The following NPY2R variants were observed in gnomAD, a reference collection of about 807,000 sequenced individuals.
NPY2R encodes the protein neuropeptide Y receptor Y2, also known as neuropeptide Y receptor type 2.
A neutral mutation model predicts 22.3 loss-of-function variants in NPY2R; 17 were observed. The ratio of observed to expected loss-of-function variants is 0.76; its 90% CI spans 0.52 to 1.14. NPY2R has a LOEUF of 1.14. Among genes scored for constraint, NPY2R ranks in the 50% most tolerant of loss-of-function variants. The pLI is 0.00. For synonymous variants in NPY2R, 209 were observed against 183.4 expected (o/e 1.14, Z -1.13); for missense variants, 424 against 467.9 (o/e 0.91, Z 0.87).
Position 155,214,392 on chromosome 4 carries a change from C to T in NPY2R, c.453C>T (p.Cys151=), listed in dbSNP as rs367841999. 8 of 1,614,128 alleles carry T rather than the reference C, an allele frequency of 5.0e-6. No homozygotes were observed. The highest frequency in any genetic ancestry group is 5.9e-6 in the Non-Finnish European group (7 of 1,180,024). Residue 151 remains cysteine, a synonymous_variant, in exon 2 of 2, where the codon TGC becomes TGT. Coordinates refer to ENST00000329476, the MANE Select transcript of NPY2R (RefSeq NM_000910.4). ...TAATTGCCCTGGACCGGCACAGGTG[C>T]ATCGTCTACCACCTAGAGAGCAAGA... The part of the protein sequence containing the change: ...LTVIALDRHR[C]IVYHLESKIS...
the NPY2R span, among the ~76,000 whole-genome samples, chr4:155,194,073 G>C: frequency 1.3e-5 from 2 of 151,234 alleles, no homozygotes; most frequent in African/African-American, 4.8e-5. Context: ...GTGAGTCTCT[G>C]ACTTTTTAAA....
chr4:155,191,108 G>A, the NPY2R span, among the ~76,000 whole-genome samples: 5 of 151,928 alleles, frequency 3.3e-5, no homozygotes, highest in East Asian at 3.9e-4. Flanking sequence ...GCACATTTGC[G>A]TTTTTGAAAC....
In NPY2R at chr4:155,214,758, G is replaced by T. The variant is rs757568216; in HGVS notation, c.819G>T (p.Val273=). 6.2e-7 allele frequency: 1 copy of T among 1,614,084 alleles called. No homozygotes were observed. The highest frequency in any genetic ancestry group is 8.5e-7 in the Non-Finnish European group (1 of 1,179,928). The change falls in exon 2 of 2, where the codon GTG becomes GTT. Residue 273 remains valine, a synonymous_variant. Coordinates refer to ENST00000329476, the MANE Select transcript of NPY2R (RefSeq NM_000910.4). ...RQKTTKMLVC[V]VVVFAVSWLP... ...AAACCACCAAAATGCTGGTGTGTGTGGTGGTGGTGTTTGCGGTCAGCTGGC... is the reference window on the plus strand; with the variant it reads ...AAACCACCAAAATGCTGGTGTGTGTTGTGGTGGTGTTTGCGGTCAGCTGGC...
the NPY2R span, among the ~76,000 whole-genome samples, chr4:155,195,830 A>G: frequency 6.6e-6 from 1 of 151,992 alleles, no homozygotes; most frequent in Non-Finnish European, 1.5e-5. Context: ...TAAAACTGCC[A>G]TGAAATACAA....
At chr4:155,191,358 C>T in the NPY2R span, among the ~76,000 whole-genome samples, 2 of 151,864 alleles carry the variant, frequency 1.3e-5, no homozygotes, top group African/African-American at 2.4e-5. Flanking sequence ...CATTCCCTAG[C>T]CAAGCAAGCT....
the NPY2R span, among the ~76,000 whole-genome samples, chr4:155,179,018 T>C: frequency 6.6e-6 from 1 of 152,212 alleles, no homozygotes; most frequent in Non-Finnish European, 1.5e-5. Flanking sequence ...ATACTTCTTA[T>C]TTCCTGCAAA....
rs186671628 is a variant in NPY2R at position 155,210,831 on chromosome 4, C to A, written c.-49+1762C>A. On this transcript the variant is annotated intron_variant, in intron 1 of 1. Transcript: ENST00000329476. ...AGAGACAGAGAGTGAGGGAAAGATG[C>A]GGAAAGAGAAAAAAAAGTGAGATAA... Among the ~76,000 whole-genome samples, 8 of 151,380 alleles carry A rather than the reference C, an allele frequency of 5.3e-5. No individual in the cohort carries two copies. The East Asian group carries it at 5.8e-4, about 11-fold the overall frequency.
chr4:155,178,482 A>AT, the NPY2R span, among the ~76,000 whole-genome samples: 1 of 152,122 alleles, frequency 6.6e-6, no homozygotes, highest in South Asian at 2.1e-4. Flanking sequence ...TATAAAGTAA[A>AT]TTTTTATATA....
rs1729455888 is a variant in NPY2R at position 155,213,953 on chromosome 4, G to A, written c.14G>A (p.Gly5Asp). The A allele has an allele frequency of 1.2e-6, 2 of 1,613,890 alleles. No individual in the cohort carries two copies. Among genetic ancestry groups the A allele is most frequent in the African/African-American group, 1.3e-5 (1 of 74,872 alleles). The stretch of plus-strand genomic sequence containing the variant: ...CCTGTACTGAAAATGGGTCCAATAG[G>A]TGCAGAGGCTGATGAGAACCAGACA... MGPI[G>D]AEADENQTVE... Residue 5 changes from glycine (G) to aspartate (D), a missense_variant, in exon 2 of 2, where the codon GGT (glycine) becomes GAT (aspartate). Transcript: ENST00000329476.
chr4:155,179,579 T>C, the NPY2R span, among the ~76,000 whole-genome samples: 1 of 152,208 alleles, frequency 6.6e-6, no homozygotes, highest in East Asian at 1.9e-4. Context: ...CTCTGGTTAG[T>C]GGCAACTCAT....
At chr4:155,186,720 T>C in the NPY2R span, among the ~76,000 whole-genome samples, 1 of 152,152 alleles carries the variant, frequency 6.6e-6, no homozygotes, top group African/African-American at 2.4e-5. Context: ...AAATTTTGTG[T>C]CCTTTGACCA....
At chr4:155,191,947 A>G in the NPY2R span, among the ~76,000 whole-genome samples, 2 of 151,900 alleles carry the variant, frequency 1.3e-5, no homozygotes, top group Non-Finnish European at 2.9e-5. Flanking sequence ...TGGATTCTAA[A>G]AATCATTTAT....
At chr4:155,194,889 C>G in the NPY2R span, among the ~76,000 whole-genome samples, 1 of 151,968 alleles carries the variant, frequency 6.6e-6, no homozygotes. Context: ...GCAACCTCTC[C>G]AGCACCTGCT....
the NPY2R span, among the ~76,000 whole-genome samples, chr4:155,181,219 G>GC: frequency 2.0e-5 from 3 of 152,140 alleles, no homozygotes; most frequent in Non-Finnish European, 4.4e-5. Flanking sequence ...GTGAGGAACT[G>GC]CCCTGATACT....
intron 1 of NPY2R, among the ~76,000 whole-genome samples, chr4:155,209,390 T>G (rs973757711): frequency 2.6e-5 from 4 of 152,236 alleles, no homozygotes; most frequent in Non-Finnish European, 5.9e-5. Context: ...CAGAAGGTCC[T>G]ATTGGATTCT....
At chr4:155,203,953 G>T (rs1448822537), upstream of NPY2R, among the ~76,000 whole-genome samples, 1 of 152,050 alleles carries the variant, frequency 6.6e-6, no homozygotes, top group Non-Finnish European at 1.5e-5. Context: ...TTACATTACT[G>T]GAGTTAAGAT....
chr4:155,194,862 A>G, the NPY2R span, among the ~76,000 whole-genome samples: 1 of 151,964 alleles, frequency 6.6e-6, no homozygotes, highest in Admixed American at 6.6e-5. Flanking sequence ...ACAGTATATA[A>G]GCATTCCCTT....
chr4:155,216,003 C>T lies in NPY2R; in HGVS notation c.*918C>T, dbSNP rs1025544550. The T allele has an allele frequency of 2.2e-4, 36 of 167,118 alleles. No individual in the cohort carries two copies. The highest frequency in any genetic ancestry group is 8.7e-4 in the African/African-American group (36 of 41,562). 10.4% of individuals were successfully genotyped at this position (167,118 alleles called of 1,614,324 possible). On this transcript the variant is annotated 3_prime_UTR_variant, in exon 2 of 2. Coordinates refer to ENST00000329476, the MANE Select transcript of NPY2R (RefSeq NM_000910.4). ...GAATAATTTTTGTGGCATGTTGTAA[C>T]ATTTCACAGTATTTACAAGCTATTT...
At chr4:155,176,472 G>A in the NPY2R span, among the ~76,000 whole-genome samples, 3 of 152,140 alleles carry the variant, frequency 2.0e-5, no homozygotes, top group Admixed American at 6.5e-5. Flanking sequence ...TGTTTGCTCA[G>A]GATAGTATGG....
Sources: gnomAD v4.1 joint callset for allele counts (sites outside exome capture counted in the v4.1 genomes callset) on GRCh38, gnomAD v4.1.1 for gene constraint, MANE v1.5 for transcripts, NCBI Gene and HGNC (gene_info 2026-07-23, HGNC 2026-07-21) for gene names.